Variants in TTYH3 observed in about 807,000 individuals in gnomAD.
TTYH3 encodes the protein tweety family member 3.
In TTYH3, 23 loss-of-function variants were observed where a neutral mutation model predicts 68.2. The observed-to-expected ratio is 0.34, with a 90% CI of 0.24 to 0.48. TTYH3 has a LOEUF of 0.48. Among genes scored for constraint, TTYH3 ranks in the 20% least tolerant of loss-of-function variants. TTYH3 has a pLI of 0.99. For synonymous variants in TTYH3, 360 were observed against 332.8 expected (o/e 1.08, Z -0.89); for missense variants, 768 against 727.7 (o/e 1.06, Z -0.64).
chr7:2,657,707 G>C (rs1786376664), intron 11 of TTYH3, among the ~76,000 whole-genome samples: 1 of 152,218 alleles, frequency 6.6e-6, no homozygotes, highest in Admixed American at 6.5e-5. Context: ...CTGCACGTGA[G>C]GGGCTTGGCT....
intron 1 of TTYH3, among the ~76,000 whole-genome samples, chr7:2,636,095 A>G (rs1785649612): frequency 6.6e-6 from 1 of 152,192 alleles, no homozygotes; most frequent in African/African-American, 2.4e-5. Flanking sequence ...GAGTAGGGCC[A>G]GTGTTCTCCT....
At chr7:2,638,995 G>A (rs969791724) in intron 1 of TTYH3, among the ~76,000 whole-genome samples, 11 of 152,062 alleles carry the variant, frequency 7.2e-5, no homozygotes, top group South Asian at 2.1e-4. Context: ...TAGGGATCCC[G>A]CCCCTTTCCT....
rs374602023 is a variant in TTYH3, at chr7:2,647,402, C to T, written c.406-16C>T. The T allele has an allele frequency of 4.1e-4, 605 of 1,475,164 alleles. 4 individuals are homozygous for T. The African/African-American group carries it at 7.0e-3, about 17-fold the overall frequency. The allele number at this position is 1,475,164 out of a possible 1,614,324, so 91.4% of individuals were successfully genotyped here. A position where few individuals can be genotyped will look rare whatever the true frequency, so the allele number is the denominator to read the frequency against. On this transcript the variant is annotated splice_polypyrimidine_tract_variant and intron_variant, in intron 3 of 13. Coordinates refer to ENST00000258796, the MANE Select transcript of TTYH3 (RefSeq NM_025250.3). ...GCGGGCGCGCTCCCAGCCTCACGCC[C>T]GCGGGTCCGGCGCAGGTGTGGGACA...
chr7:2,640,653 G>A (rs1422205975), intron 1 of TTYH3, among the ~76,000 whole-genome samples: 1 of 152,230 alleles, frequency 6.6e-6, no homozygotes, highest in Non-Finnish European at 1.5e-5. Flanking sequence ...ATTGCGTTGG[G>A]GGGTGCCTGT....
At chr7:2,632,991 C>T (rs1043068878) in intron 1 of TTYH3, among the ~76,000 whole-genome samples, 1 of 152,140 alleles carries the variant, frequency 6.6e-6, no homozygotes, top group Non-Finnish European at 1.5e-5. Context: ...GGCAGGGAGG[C>T]TGGAAGCGGC....
At chr7:2,656,320 T>A (rs1786332952) in intron 10 of TTYH3, 78 bp from the exon 11 acceptor site, 1 of 1,575,650 alleles carries the variant, frequency 6.3e-7, no homozygotes, top group Admixed American at 1.7e-5. Context: ...CAGGCCGCCG[T>A]GGCTGGGCTG....
At chr7:2,643,996 C>T (rs1371999707) in intron 1 of TTYH3, among the ~76,000 whole-genome samples, 1 of 152,136 alleles carries the variant, frequency 6.6e-6, no homozygotes, top group African/African-American at 2.4e-5. Flanking sequence ...GTGACTCCAG[C>T]CAGGGACTGG....
intron 9 of TTYH3, among the ~76,000 whole-genome samples, chr7:2,655,587 CTGG>C (rs1163694507): frequency 1.3e-5 from 2 of 152,260 alleles, no homozygotes; most frequent in Admixed American, 1.3e-4. Context: ...TGAGACAGAG[CTGG>C]TGGTGTCCGT....
Position 2,648,047 on chromosome 7 carries a change from C to G in TTYH3, c.715C>G (p.Leu239Val). 1.2e-6 allele frequency: 2 copies of G among 1,609,286 alleles called. No homozygotes were observed. Among genetic ancestry groups the G allele is most frequent in the Non-Finnish European group, 1.7e-6 (2 of 1,179,726 alleles). ...VGLIRSSKGI[L>V]VGVCLLGVLA... ...CCTCATCCGCAGCTCCAAGGGCATC[C>G]TGGTGGGGTGAGTCTGGGGGTGTCG... The change falls in exon 5 of 14, where the codon CTG becomes GTG. Residue 239 changes from leucine (L) to valine (V), a missense_variant. Leu to Val is a conservative substitution (Grantham distance 32). Transcript: ENST00000258796.
rs1786561456 is a variant in TTYH3 at position 2,664,093 on chromosome 7, G to A, written c.*2354G>A. 1 of 152,530 alleles carries A rather than the reference G, an allele frequency of 6.6e-6. No homozygotes were observed. The highest frequency in any genetic ancestry group is 1.5e-5 in the Non-Finnish European group (1 of 68,064). The allele number at this position is 152,530 out of a possible 1,614,324, so 9.4% of individuals were successfully genotyped here. The stretch of plus-strand genomic sequence containing the variant: ...CAGCCCCCAGGCCCACAGCCTCGTT[G>A]GGAGGACAGGGTGGCCCTGGGGACA... On this transcript the variant is annotated 3_prime_UTR_variant, in exon 14 of 14. Transcript: ENST00000258796.
intron 11 of TTYH3, 48 bp from the exon 12 acceptor site, chr7:2,658,238 C>A: frequency 4.8e-6 from 7 of 1,473,398 alleles, no homozygotes; most frequent in Non-Finnish European, 6.3e-6. Flanking sequence ...CTGTGGCCAG[C>A]TCCTTCCTGC....
Position 2,647,167 on chromosome 7 carries a change from G to C in TTYH3, c.319G>C (p.Gly107Arg). 6.2e-7 allele frequency: 1 copy of C among 1,606,464 alleles called. No individual in the cohort carries two copies. Among genetic ancestry groups the C allele is most frequent in the Non-Finnish European group, 8.5e-7 (1 of 1,177,950 alleles). Reference sequence around the variant, plus strand: ...CGCCGGCATCGCAGTGGGATTCTACGGCAACGGGGAGACCAGTGATGGCAT... The same window carrying C: ...CGCCGGCATCGCAGTGGGATTCTACCGCAACGGGGAGACCAGTGATGGCAT... ...CSAGIAVGFY[G>R]NGETSDGIHR... Residue 107 changes from glycine to arginine, a missense_variant, in exon 3 of 14, where the codon GGC becomes CGC. By Grantham distance (125) the Gly-to-Arg change is moderately radical. Coordinates refer to ENST00000258796, the MANE Select transcript of TTYH3 (RefSeq NM_025250.3).
At chr7:2,646,248 C>A (rs915161675) in intron 1 of TTYH3, among the ~76,000 whole-genome samples, 5 of 152,218 alleles carry the variant, frequency 3.3e-5, no homozygotes, top group South Asian at 4.1e-4. Context: ...CTCCTGACCT[C>A]AGGTGATCCG....
chr7:2,632,781 G>T (rs1021105825), intron 1 of TTYH3, among the ~76,000 whole-genome samples: 1 of 152,234 alleles, frequency 6.6e-6, no homozygotes, highest in Non-Finnish European at 1.5e-5. Context: ...ACTCACCCCC[G>T]ACTGGGGAAT....
In TTYH3 at chr7:2,664,494, C is replaced by G. The variant is rs1015467560; in HGVS notation, c.*2755C>G. 6.6e-6 allele frequency: 1 copy of G among 151,712 alleles called. No individual in the cohort carries two copies. The highest frequency in any genetic ancestry group is 2.4e-5 in the African/African-American group (1 of 41,254). 9.4% of individuals were successfully genotyped at this position (151,712 alleles called of 1,614,324 possible). A position where few individuals can be genotyped will look rare whatever the true frequency, so the allele number is the denominator to read the frequency against. ...TATATAATATATATATATATAATCT[C>G]CTTAAGACTCAGCCTCCTGGTTTAC... On this transcript the variant is annotated 3_prime_UTR_variant, in exon 14 of 14. Coordinates refer to ENST00000258796, the MANE Select transcript of TTYH3 (RefSeq NM_025250.3).
At chr7:2,659,968 G>A (rs1305687849) in intron 13 of TTYH3, 2 of 1,303,668 alleles carry the variant, frequency 1.5e-6, no homozygotes, top group South Asian at 2.5e-5. Context: ...GACTCTGGCA[G>A]CCACGCGGGC....
At chr7:2,654,795 A>G (rs1786287783) in intron 9 of TTYH3, among the ~76,000 whole-genome samples, 3 of 151,762 alleles carry the variant, frequency 2.0e-5, no homozygotes, top group African/African-American at 7.3e-5. Context: ...TTATTTATTT[A>G]TTTTTTTGAG....
At chr7:2,648,760 G>T (rs545829217) in intron 5 of TTYH3, among the ~76,000 whole-genome samples, 1 of 152,016 alleles carries the variant, frequency 6.6e-6, no homozygotes, top group South Asian at 2.1e-4. Flanking sequence ...GGGTGGTGGG[G>T]GGGGGTGCAG....
intron 9 of TTYH3, among the ~76,000 whole-genome samples, chr7:2,654,841 G>A (rs1291953928): frequency 6.6e-6 from 1 of 152,122 alleles, no homozygotes; most frequent in African/African-American, 2.4e-5. Context: ...CTGGAGTGCA[G>A]TGGCGCAATC....
Sources: gnomAD v4.1 joint callset for allele counts (sites outside exome capture counted in the v4.1 genomes callset) on GRCh38, gnomAD v4.1.1 for gene constraint, MANE v1.5 for transcripts, NCBI Gene and HGNC (gene_info 2026-07-23, HGNC 2026-07-21) for gene names.